Variants in CHI3L1 observed in about 807,000 individuals in gnomAD.
CHI3L1 encodes the protein chitinase-3-like protein 1.
In CHI3L1, 30 loss-of-function variants were observed where a neutral mutation model predicts 40.7. The observed-to-expected ratio is 0.74, with a 90% CI of 0.55 to 1.00. The LOEUF is 1.00. Among genes scored for constraint, CHI3L1 ranks in the 50% least tolerant of loss-of-function variants. The pLI is 0.00. For synonymous variants in CHI3L1, 210 were observed against 192.1 expected (o/e 1.09, Z -0.77); for missense variants, 493 against 492.2 (o/e 1.00, Z -0.01).
intron 2 of CHI3L1, among the ~76,000 whole-genome samples, chr1:203,186,029 T>G (rs1295624961): frequency 6.6e-6 from 1 of 152,236 alleles, no homozygotes; most frequent in Non-Finnish European, 1.5e-5. Context: ...AAGCAGCTAC[T>G]GGGCAACTGT....
intron 5 of CHI3L1, 88 bp from the exon 6 acceptor site, chr1:203,182,940 C>A: frequency 7.1e-7 from 1 of 1,415,580 alleles, no homozygotes; most frequent in Non-Finnish European, 9.7e-7. Flanking sequence ...TCTGCGCAAC[C>A]CATTTGCTGT....
intron 5 of CHI3L1, among the ~76,000 whole-genome samples, chr1:203,183,055 C>T (rs543840399): frequency 6.6e-6 from 1 of 152,158 alleles, no homozygotes; most frequent in African/African-American, 2.4e-5. Context: ...TAATCTTCTC[C>T]CCAAACCCAT....
At position 203,186,435 on chromosome 1, in the gene CHI3L1, C is replaced by A. The variant is rs535804747; in HGVS notation, c.26-90G>T. On this transcript the variant is annotated intron_variant, in intron 1 of 9. Coordinates refer to ENST00000255409, the MANE Select transcript of CHI3L1 (RefSeq NM_001276.4). ...CCAAGCAACTGAGACCCACCTCCCC[C>A]ACCCCCACCTCCTGGTTGCAGCCTC... The A allele has an allele frequency of 1.5e-5, 23 of 1,497,254 alleles. No individual in the cohort carries two copies. In the African/African-American group the frequency reaches 2.1e-4, roughly 14 times the overall value. 92.7% of individuals were successfully genotyped at this position (1,497,254 alleles called of 1,614,324 possible).
chr1:203,182,890 A>G, intron 5 of CHI3L1, 38 bp from the exon 6 acceptor site: 2 of 1,611,202 alleles, frequency 1.2e-6, no homozygotes, highest in South Asian at 1.1e-5. Flanking sequence ...AAGGGTCCCA[A>G]GTGGCATGAG....
Position 203,182,751 on chromosome 1 carries a change from A to T in CHI3L1, c.567T>A (p.Tyr189Ter). Residue 189 changes from tyrosine (Y) to a stop codon, truncating the protein, a stop_gained, in exon 6 of 10, where the codon TAT becomes TAA. Transcript: ENST00000255409. LOFTEE classifies it high-confidence loss of function. ...SAGKVTIDSS[Y>*]DIAKISQHLD... is the part of the protein sequence containing the mutation. ...CTCACTGGGATATCTTGGCAATGTC[A>T]TAGCTGCTGTCAATGGTGACCTTCC... The T allele has an allele frequency of 1.2e-6, 2 of 1,614,124 alleles. No homozygotes were observed. The highest frequency in any genetic ancestry group is 1.7e-6 in the Non-Finnish European group (2 of 1,180,022).
chr1:203,183,559 A>G, intron 5 of CHI3L1, 82 bp downstream of exon 5: 2 of 1,454,498 alleles, frequency 1.4e-6, no homozygotes, highest in Non-Finnish European at 1.9e-6. Flanking sequence ...CCTCAGGAGG[A>G]CAGCAGCTGA....
At chr1:203,184,208 CAA>C (rs1423129399) in intron 4 of CHI3L1, among the ~76,000 whole-genome samples, 1 of 152,184 alleles carries the variant, frequency 6.6e-6, no homozygotes, top group African/African-American at 2.4e-5. Context: ...CCACCTAATC[CAA>C]AGACTCCTCC....
intron 7 of CHI3L1, among the ~76,000 whole-genome samples, chr1:203,180,858 A>G (rs1285778913): frequency 2.0e-5 from 3 of 152,150 alleles, no homozygotes; most frequent in Non-Finnish European, 4.4e-5. Context: ...GGAAGGGGCT[A>G]TTACTATTTG....
In CHI3L1 at chr1:203,179,352, G is replaced by T; in HGVS notation, c.*93C>A. On this transcript the variant is annotated 3_prime_UTR_variant, in exon 10 of 10. Transcript: ENST00000255409. ...GGAGGGAGACTGAGGCTCAGCCTGG[G>T]ACTCAGCAGGGCAGGTGATCAGGCT... The T allele has an allele frequency of 1.7e-6, 2 of 1,156,068 alleles. No individual in the cohort carries two copies. Among genetic ancestry groups the T allele is most frequent in the Non-Finnish European group, 2.5e-6 (2 of 809,692 alleles). 71.6% of individuals were successfully genotyped at this position (1,156,068 alleles called of 1,614,324 possible). A position where few individuals can be genotyped will look rare whatever the true frequency, so the allele number is the denominator to read the frequency against.
In CHI3L1 at chr1:203,181,154, G is replaced by A. The variant is rs1192878200; in HGVS notation, c.711+8C>T. On this transcript the variant is annotated splice_region_variant and intron_variant, in intron 7 of 9. Transcript: ENST00000255409. ...CCCTCCTGGCCCTCCCTCCTTCTGGGAACTCACAGTGTTGCTGAATCTGTC... is the reference window on the plus strand; with the variant it reads ...CCCTCCTGGCCCTCCCTCCTTCTGGAAACTCACAGTGTTGCTGAATCTGTC... 3 of 1,613,510 alleles carry A rather than the reference G, an allele frequency of 1.9e-6. No individual in the cohort carries two copies. The South Asian group carries it at 3.3e-5, about 18-fold the overall frequency.
Position 203,181,336 on chromosome 1 carries a change from C to A in CHI3L1, c.588-51G>T, listed in dbSNP as rs371196322. 1.5e-4 allele frequency: 236 copies of A among 1,597,508 alleles called. 1 individual carries two copies. Among genetic ancestry groups the A allele is most frequent in the Non-Finnish European group, 1.9e-4 (221 of 1,170,154 alleles). ...AGGCAGGAAATTATTAATAGAAAAG[C>A]TTTAGGCCGGGCGTGGTGGCTCATA... On this transcript the variant is annotated intron_variant, in intron 6 of 9. Coordinates refer to ENST00000255409, the MANE Select transcript of CHI3L1 (RefSeq NM_001276.4).
intron 5 of CHI3L1, 40 bp from the exon 6 acceptor site, chr1:203,182,892 T>C: frequency 6.2e-7 from 1 of 1,610,836 alleles, no homozygotes; most frequent in South Asian, 1.1e-5. Flanking sequence ...GGGTCCCAAG[T>C]GGCATGAGAG....
intron 6 of CHI3L1, among the ~76,000 whole-genome samples, chr1:203,182,296 G>A (rs989485944): frequency 5.3e-5 from 8 of 152,208 alleles, no homozygotes; most frequent in African/African-American, 1.7e-4. Context: ...CAACAGGAAA[G>A]GGGGAGGCCT....
intron 6 of CHI3L1, among the ~76,000 whole-genome samples, chr1:203,182,310 T>G (rs1365322960): frequency 6.6e-6 from 1 of 152,022 alleles, no homozygotes; most frequent in Non-Finnish European, 1.5e-5. Flanking sequence ...GAGGCCTGTG[T>G]GTATGAGAGA....
intron 6 of CHI3L1, 151 bp from the exon 7 acceptor site, chr1:203,181,436 G>A: frequency 1.4e-6 from 1 of 718,496 alleles, no homozygotes; most frequent in Non-Finnish European, 2.2e-6. Flanking sequence ...GCCTGGCCAA[G>A]ATGGTGAAAC....
intron 2 of CHI3L1, 123 bp downstream of exon 2, chr1:203,186,193 A>C: frequency 9.9e-7 from 1 of 1,008,412 alleles, no homozygotes; most frequent in Non-Finnish European, 1.5e-6. Context: ...GACTATTTCG[A>C]AGTCATTGGA....
At position 203,179,760 on chromosome 1, in the gene CHI3L1, C is replaced by T. The variant is rs151151934; in HGVS notation, c.1011+1G>A. ...TGAGGTGTGGCCTTGGGGAAACCTA[C>T]CTTGCTTTTGACGCTTTCCTGGTCG... On this transcript the variant is annotated splice_donor_variant, in intron 9 of 9. Coordinates refer to ENST00000255409, the MANE Select transcript of CHI3L1 (RefSeq NM_001276.4). LOFTEE classifies it high-confidence loss of function. The T allele has an allele frequency of 1.9e-6, 3 of 1,614,090 alleles. No homozygotes were observed. The highest frequency in any genetic ancestry group is 2.5e-6 in the Non-Finnish European group (3 of 1,180,038).
intron 7 of CHI3L1, 146 bp from the exon 8 acceptor site, chr1:203,180,798 T>A (rs1655919994): frequency 1.6e-6 from 1 of 637,308 alleles, no homozygotes; most frequent in East Asian, 3.1e-5. Context: ...TCATGTCACT[T>A]TAAAGTGAAT....
intron 8 of CHI3L1, 81 bp downstream of exon 8, chr1:203,180,389 A>T (rs1655908174): frequency 3.1e-6 from 4 of 1,306,394 alleles, no homozygotes; most frequent in Non-Finnish European, 4.2e-6. Context: ...AAGGAGAAAA[A>T]GCAAGAACGT....
Sources: gnomAD v4.1 joint callset for allele counts (sites outside exome capture counted in the v4.1 genomes callset) on GRCh38, gnomAD v4.1.1 for gene constraint, MANE v1.5 for transcripts, NCBI Gene and HGNC (gene_info 2026-07-23, HGNC 2026-07-21) for gene names.